AACS: variants seen among roughly 807,000 people sequenced by gnomAD.
The protein encoded by AACS is acetoacetyl-CoA synthetase.
Under a neutral mutation model 83.1 loss-of-function variants are expected in AACS, and 69 were observed. The observed-to-expected ratio is 0.83, with a 90% CI of 0.68 to 1.01. The LOEUF (loss-of-function observed/expected upper bound fraction) is 1.01, where lower values mean the gene tolerates loss of function less well. AACS is among the 50% of genes least tolerant of loss of function. The probability of loss-of-function intolerance (pLI) is 0.00; values close to 1 mark genes in which losing one functional copy is unlikely to be tolerated. For missense variants in AACS, 866 were observed against 882.2 expected, an observed-to-expected ratio of 0.98 and a Z score of 0.23; for synonymous variants, 333 against 343.4, an observed-to-expected ratio of 0.97 and a Z score of 0.33.
chr12:125,070,573 C>A (rs778440097), intron 1 of AACS, among the ~76,000 whole-genome samples: 8 of 152,110 alleles, frequency 5.3e-5, no homozygotes, highest in Non-Finnish European at 1.0e-4. Context: ...GGCCAAGATT[C>A]TCGTAGGTGG....
At chr12:125,125,343 C>G (rs1265383079) in intron 12 of AACS, among the ~76,000 whole-genome samples, 1 of 152,210 alleles carries the variant, frequency 6.6e-6, no homozygotes, top group African/African-American at 2.4e-5. Flanking sequence ...AAATGCAGTT[C>G]AGAAGCATTC....
intron 9 of AACS, among the ~76,000 whole-genome samples, chr12:125,116,608 C>T (rs1242452575): frequency 2.0e-5 from 3 of 152,044 alleles, no homozygotes; most frequent in Non-Finnish European, 2.9e-5. Context: ...GGACTACAGG[C>T]GCCCGCCCCC....
At chr12:125,082,357 T>TA (rs780082923) in intron 3 of AACS, among the ~76,000 whole-genome samples, 180 of 148,768 alleles carry the variant, frequency 1.2e-3, no homozygotes, top group Non-Finnish European at 2.1e-3. Flanking sequence ...TTTTTTTTTT[T>TA]AAGAGATGGG....
chr12:125,102,997 C>T lies in AACS; in HGVS notation c.686-3C>T. 6.2e-7 allele frequency: 1 copy of T among 1,613,016 alleles called. No individual in the cohort carries two copies. Among genetic ancestry groups the T allele is most frequent in the African/African-American group, 1.3e-5 (1 of 74,880 alleles). On this transcript the variant is annotated splice_polypyrimidine_tract_variant and splice_region_variant and intron_variant, in intron 6 of 17. Coordinates refer to ENST00000316519, the MANE Select transcript of AACS (RefSeq NM_023928.5). ...TTGTGTTTTCTCCTCTCGCTCCTTC[C>T]AGGCCTACCAGACTTGAAGAAAGTG...
chr12:125,099,483 T>C (rs1279636939), intron 5 of AACS, among the ~76,000 whole-genome samples: 1 of 152,232 alleles, frequency 6.6e-6, no homozygotes, highest in Non-Finnish European at 1.5e-5. Flanking sequence ...CATGAATCTT[T>C]TATTCTGTAG....
intron 9 of AACS, among the ~76,000 whole-genome samples, 163 bp downstream of exon 9, chr12:125,114,720 C>T (rs1349119687): frequency 8.8e-6 from 1 of 113,266 alleles, no homozygotes; most frequent in Non-Finnish European, 2.1e-5. Context: ...AGGGGCTTCC[C>T]TGGGTGCCAG....
intron 1 of AACS, among the ~76,000 whole-genome samples, chr12:125,071,961 G>T (rs1035360015): frequency 1.3e-5 from 2 of 152,184 alleles, no homozygotes; most frequent in East Asian, 3.9e-4. Context: ...GTGTTCAAGA[G>T]ATTCTCCTGC....
chr12:125,106,079 G>T (rs953409297), intron 7 of AACS, among the ~76,000 whole-genome samples: 2 of 152,160 alleles, frequency 1.3e-5, no homozygotes, highest in Non-Finnish European at 2.9e-5. Context: ...GCCTTCTCAT[G>T]CAAGACAGCA....
intron 3 of AACS, 39 bp from the exon 4 acceptor site, chr12:125,086,291 C>A: frequency 6.4e-7 from 1 of 1,566,934 alleles, no homozygotes; most frequent in South Asian, 1.1e-5. Flanking sequence ...TTTCTTTTTG[C>A]GGTGGTCTGT....
chr12:125,132,695 T>C (rs1457240353), intron 14 of AACS, among the ~76,000 whole-genome samples: 1 of 152,206 alleles, frequency 6.6e-6, no homozygotes, highest in East Asian at 1.9e-4. Context: ...TGCAGTTCTC[T>C]TTTTTTGCAT....
rs1956851076 is a variant in AACS at position 125,107,146 on chromosome 12, A to G, written c.793A>G (p.Thr265Ala). 10 of 1,614,124 alleles carry G rather than the reference A, an allele frequency of 6.2e-6. No homozygotes were observed. The highest frequency in any genetic ancestry group is 8.5e-6 in the Non-Finnish European group (10 of 1,180,034). Reference sequence around the variant, plus strand: ...TGTGTTTCTGGATGACTTTCTTGCCACCGGCACCAGTGAGCAGGCCCCGCA... The same window carrying G: ...TGTGTTTCTGGATGACTTTCTTGCCGCCGGCACCAGTGAGCAGGCCCCGCA... ...NSVFLDDFLA[T>A]GTSEQAPQLE... The change falls in exon 8 of 18, where the codon ACC becomes GCC. Residue 265 changes from threonine to alanine, a missense_variant. Thr to Ala is a moderately conservative substitution (Grantham distance 58, BLOSUM62 0). Transcript: ENST00000316519.
intron 3 of AACS, among the ~76,000 whole-genome samples, chr12:125,084,847 G>T (rs1366753804): frequency 6.6e-6 from 1 of 152,076 alleles, no homozygotes; most frequent in East Asian, 1.9e-4. Flanking sequence ...CTCCCAAAGC[G>T]CTGGCATTAC....
intron 10 of AACS, chr12:125,121,469 AG>A (rs1354622840): frequency 1.1e-4 from 17 of 152,188 alleles, no homozygotes; most frequent in African/African-American, 4.1e-4. Context: ...TTAGTAAATG[AG>A]GGGTGAGATC....
rs143569484 is a variant in AACS at position 125,091,347 on chromosome 12, C to G, written c.473-79C>G. ...AGCCCCCTTCCCACTCTGACCTTGG[C>G]TCTCAGAGAAACCTTTTGGACATCT... On this transcript the variant is annotated intron_variant, in intron 4 of 17. Coordinates refer to ENST00000316519, the MANE Select transcript of AACS (RefSeq NM_023928.5). The G allele has an allele frequency of 9.1e-3, 13,089 of 1,433,770 alleles. 90 individuals carry two copies. The highest frequency in any genetic ancestry group is 0.012 in the Non-Finnish European group (12,033 of 1,028,536). 88.8% of individuals were successfully genotyped at this position (1,433,770 alleles called of 1,614,324 possible). A position where few individuals can be genotyped will look rare whatever the true frequency, so the allele number is the denominator to read the frequency against.
In AACS at chr12:125,113,809, G is replaced by T. The variant is rs1292920902; in HGVS notation, c.916-668G>T. Among the ~76,000 whole-genome samples the T allele has an allele frequency of 6.6e-6, 1 of 152,186 alleles. No homozygotes were observed. The highest frequency in any genetic ancestry group is 2.4e-5 in the African/African-American group (1 of 41,448). The stretch of plus-strand genomic sequence containing the variant: ...TGGGTACAGGACAGGGAGAGAGGAC[G>T]GCTTTTCATAGTATCTGCTTCAGAG... On this transcript the variant is annotated intron_variant, in intron 8 of 17. Transcript: ENST00000316519. This position sits in a 1 kb window ranked among gnomAD's most constrained non-coding sequence, Gnocchi z 4.8.
chr12:125,096,277 CA>C (rs2136082794), intron 5 of AACS, among the ~76,000 whole-genome samples: 1 of 152,340 alleles, frequency 6.6e-6, no homozygotes, highest in African/African-American at 2.4e-5. Flanking sequence ...CTGTGAAGGG[CA>C]GTAAGTGCTT....
At chr12:125,114,292 T>A (rs1957010454) in intron 8 of AACS, 185 bp from the exon 9 acceptor site, 1 of 487,556 alleles carries the variant, frequency 2.1e-6, no homozygotes, top group Non-Finnish European at 3.6e-6. Context: ...GAGAGGGACA[T>A]GGGGGCATGG....
rs370791378 is a variant in AACS, at chr12:125,114,941, C to T, written c.996+384C>T. The stretch of plus-strand genomic sequence containing the variant: ...GACACATGGTAAGGGCTTCCCCGGG[C>T]GCCGGCCTGTGCTGCGCCGTGGTAG... On this transcript the variant is annotated intron_variant, in intron 9 of 17. Transcript: ENST00000316519. Among the ~76,000 whole-genome samples, 24 of 152,072 alleles carry T rather than the reference C, an allele frequency of 1.6e-4. 1 individual carries two copies. Among genetic ancestry groups the T allele is most frequent in the African/African-American group, 4.3e-4 (18 of 41,500 alleles).
chr12:125,125,817 G>T (rs1056028180), intron 12 of AACS: 2 of 139,546 alleles, frequency 1.4e-5, no homozygotes, highest in East Asian at 2.2e-4. Context: ...ATGGCCATTG[G>T]CCATGATGAG....
Sources: allele counts gnomAD v4.1 joint callset (sites outside exome capture counted in the v4.1 genomes callset), GRCh38; gene constraint gnomAD v4.1.1; non-coding constraint Gnocchi (gnomAD v3.1); transcripts MANE v1.5; gene names NCBI Gene and HGNC (gene_info 2026-07-23, HGNC 2026-07-21).